The following UBE2E2 variants were observed in gnomAD, a reference collection of about 807,000 sequenced individuals.
UBE2E2 encodes ubiquitin-conjugating enzyme E2 E2.
Under a neutral mutation model 24.7 loss-of-function variants are expected in UBE2E2, and 6 were observed. That is an observed-to-expected ratio of 0.24 (90% CI 0.13 to 0.48). The LOEUF is 0.48. Ranked by LOEUF, UBE2E2 falls within the 20% of genes least tolerant of loss-of-function variation. UBE2E2 has a pLI of 0.99. For missense variants in UBE2E2, 169 were observed against 245.0 expected, an observed-to-expected ratio of 0.69 and a Z score of 2.07; for synonymous variants, 104 against 83.6, an observed-to-expected ratio of 1.24 and a Z score of -1.33.
intron 3 of UBE2E2, among the ~76,000 whole-genome samples, chr3:23,300,403 T>A (rs1246796071): frequency 1.3e-5 from 2 of 152,338 alleles, no homozygotes; most frequent in South Asian, 2.1e-4. Flanking sequence ...ATTTGGCATG[T>A]TTTTGCAGTG....
In UBE2E2 at chr3:23,422,605, G is replaced by C. The variant is rs541940692; in HGVS notation, c.228-77003G>C. 4.3e-4 allele frequency among the ~76,000 whole-genome samples: 65 copies of C among 152,312 alleles called. No individual in the cohort carries two copies. The Middle Eastern group carries it at 0.01, about 24-fold the overall frequency. ...GCCCTATGTTGGAACAAAGAAAAAG[G>C]CTTTGAAGAAACCAGAGAGCTGCTT... On this transcript the variant is annotated intron_variant, in intron 3 of 5. Coordinates refer to ENST00000396703, the MANE Select transcript of UBE2E2 (RefSeq NM_152653.4).
chr3:23,317,087 A>G (rs748021116), intron 3 of UBE2E2, among the ~76,000 whole-genome samples: 6 of 152,212 alleles, frequency 3.9e-5, no homozygotes, highest in Non-Finnish European at 7.4e-5. Flanking sequence ...AGCATGGTGC[A>G]TACGCTCCTT....
At chr3:23,287,392 G>T (rs1698645214) in intron 3 of UBE2E2, among the ~76,000 whole-genome samples, 1 of 152,052 alleles carries the variant, frequency 6.6e-6, no homozygotes, top group Admixed American at 6.5e-5. Flanking sequence ...TGCATTTTTT[G>T]GTGTGCCTTT....
chr3:23,232,075 G>C (rs1029439413), intron 3 of UBE2E2, among the ~76,000 whole-genome samples: 1 of 152,200 alleles, frequency 6.6e-6, no homozygotes, highest in Non-Finnish European at 1.5e-5. Context: ...TTGGCCAGTG[G>C]CTATGATCTT....
intron 3 of UBE2E2, among the ~76,000 whole-genome samples, chr3:23,391,388 T>C (rs975696531): frequency 6.6e-6 from 1 of 152,342 alleles, no homozygotes; most frequent in Admixed American, 6.5e-5. Context: ...GGCCACAGTA[T>C]GCCTGTGTAT....
At chr3:23,460,731 T>G (rs2125424868) in intron 3 of UBE2E2, among the ~76,000 whole-genome samples, 1 of 152,276 alleles carries the variant, frequency 6.6e-6, no homozygotes, top group East Asian at 1.9e-4. Context: ...GATGAAGATT[T>G]GGGCATGCCA....
At position 23,491,533 on chromosome 3, in the gene UBE2E2, T is replaced by C. The variant is rs138030139; in HGVS notation, c.228-8075T>C. 4.5e-3 allele frequency among the ~76,000 whole-genome samples: 691 copies of C among 152,280 alleles called. 5 individuals carry two copies. The highest frequency in any genetic ancestry group is 0.015 in the African/African-American group (636 of 41,542). On this transcript the variant is annotated intron_variant, in intron 3 of 5. Coordinates refer to ENST00000396703, the MANE Select transcript of UBE2E2 (RefSeq NM_152653.4). ...ATGGTCAGACCTACAGAACATCTTA[T>C]GCAAAAGCCAGGAGACAAGAAAGAG...
At chr3:23,284,712 TTA>T (rs1020308074) in intron 3 of UBE2E2, among the ~76,000 whole-genome samples, 16 of 151,186 alleles carry the variant, frequency 1.1e-4, no homozygotes, top group African/African-American at 2.9e-4. Context: ...TAGGTGGTGA[TTA>T]TATATATATA....
Position 23,280,572 on chromosome 3 carries a change from T to G in UBE2E2, c.227+63260T>G, listed in dbSNP as rs560705787. 1.7e-4 allele frequency among the ~76,000 whole-genome samples: 26 copies of G among 152,198 alleles called. No homozygotes were observed. Among genetic ancestry groups the G allele is most frequent in the Non-Finnish European group, 3.4e-4 (23 of 68,010 alleles). Reference sequence around the variant, plus strand: ...GAGGTTGTCCTTTACTTGGGAAGCCTGTTGACCCAACAGCAACCCTGATGA... The same window carrying G: ...GAGGTTGTCCTTTACTTGGGAAGCCGGTTGACCCAACAGCAACCCTGATGA... On this transcript the variant is annotated intron_variant, in intron 3 of 5. Coordinates refer to ENST00000396703, the MANE Select transcript of UBE2E2 (RefSeq NM_152653.4). This position sits in a 1 kb window ranked among gnomAD's most constrained non-coding sequence, Gnocchi z 4.3.
chr3:23,365,517 A>G (rs1228694454), intron 3 of UBE2E2, among the ~76,000 whole-genome samples: 1 of 152,170 alleles, frequency 6.6e-6, no homozygotes, highest in Non-Finnish European at 1.5e-5. Flanking sequence ...CGCATTCACA[A>G]TAGCTACAAA....
At chr3:23,570,413 G>A (rs1290031670) in intron 5 of UBE2E2, among the ~76,000 whole-genome samples, 1 of 152,138 alleles carries the variant, frequency 6.6e-6, no homozygotes, top group Non-Finnish European at 1.5e-5. Context: ...CCATTTCCCA[G>A]TAGTGTACTG....
At chr3:23,565,714 A>G (rs1008194620) in intron 5 of UBE2E2, among the ~76,000 whole-genome samples, 6 of 152,244 alleles carry the variant, frequency 3.9e-5, no homozygotes, top group African/African-American at 7.2e-5. Context: ...AAATCCCACA[A>G]TAAGCAGTTG....
chr3:23,453,155 G>A (rs1404902079), intron 3 of UBE2E2, among the ~76,000 whole-genome samples: 1 of 152,108 alleles, frequency 6.6e-6, no homozygotes. Flanking sequence ...CCTATAACTG[G>A]CAAGTGCTAC....
intron 5 of UBE2E2, among the ~76,000 whole-genome samples, chr3:23,562,741 T>C (rs1398522300): frequency 1.3e-5 from 2 of 152,216 alleles, no homozygotes; most frequent in Non-Finnish European, 2.9e-5. Flanking sequence ...TTGCCTCAAT[T>C]TCAGAGCCTG....
At chr3:23,353,824 T>C (rs1303289806) in intron 3 of UBE2E2, among the ~76,000 whole-genome samples, 1 of 151,312 alleles carries the variant, frequency 6.6e-6, no homozygotes, top group East Asian at 1.9e-4. Context: ...AGGTAATTTA[T>C]AGATTCAATG....
chr3:23,566,411 A>G (rs372583205), intron 5 of UBE2E2, among the ~76,000 whole-genome samples: 1 of 152,170 alleles, frequency 6.6e-6, no homozygotes, highest in African/African-American at 2.4e-5. Flanking sequence ...AACTTGGTTC[A>G]TCTCGTAGTG....
rs1160044109 is a variant in UBE2E2 at position 23,590,794 on chromosome 3, A to G, written c.*963A>G. The G allele has an allele frequency of 2.6e-5, 4 of 152,354 alleles. No homozygotes were observed. The highest frequency in any genetic ancestry group is 2.0e-4 in the Admixed American group (3 of 15,306). 9.4% of individuals were successfully genotyped at this position (152,354 alleles called of 1,614,324 possible). ...TTATAGTAAATTGCTATCATTTTAC[A>G]TATTGACTGGGCATTCTTTCTGTTA... On this transcript the variant is annotated 3_prime_UTR_variant, in exon 6 of 6. Transcript: ENST00000396703.
chr3:23,415,250 T>C (rs776476364), intron 3 of UBE2E2, among the ~76,000 whole-genome samples: 1 of 152,224 alleles, frequency 6.6e-6, no homozygotes, highest in Non-Finnish European at 1.5e-5. Flanking sequence ...GAGTTAAAAA[T>C]CCTGATTAAA....
intron 3 of UBE2E2, among the ~76,000 whole-genome samples, chr3:23,238,880 A>G (rs1011486547): frequency 8.5e-5 from 13 of 152,116 alleles, no homozygotes; most frequent in African/African-American, 2.9e-4. Flanking sequence ...GTCAGTGCTG[A>G]AAGTTTTTGA....
Sources: gnomAD v4.1 joint callset for allele counts (sites outside exome capture counted in the v4.1 genomes callset) on GRCh38, gnomAD v4.1.1 for gene constraint, Gnocchi (gnomAD v3.1) non-coding constraint, MANE v1.5 for transcripts, NCBI Gene and HGNC (gene_info 2026-07-23, HGNC 2026-07-21) for gene names.